Variants in DHRS4L2 observed in about 807,000 individuals in gnomAD.
The protein encoded by DHRS4L2 is dehydrogenase/reductase 4 like 2.
A neutral mutation model predicts 23.9 loss-of-function variants in DHRS4L2; 22 were observed. The ratio of observed to expected loss-of-function variants is 0.92; its 90% CI spans 0.66 to 1.31. The LOEUF is 1.31. Among genes scored for constraint, DHRS4L2 ranks in the 40% most tolerant of loss-of-function variants. DHRS4L2 has a pLI of 0.00. For missense variants in DHRS4L2, 385 were observed against 303.3 expected (o/e 1.27, Z -2.00); for synonymous variants, 141 against 123.7 (o/e 1.14, Z -0.93).
At chr14:23,981,915 G>T (rs1230946737) in intron 1 of DHRS4L2, among the ~76,000 whole-genome samples, 1 of 151,748 alleles carries the variant, frequency 6.6e-6, no homozygotes, top group Non-Finnish European at 1.5e-5. Flanking sequence ...CTGCCACAGG[G>T]TGGTTGTTCT....
exon 1 of DHRS4L2, chr14:23,970,019 G>C (rs2033813630): frequency 2.2e-6 from 1 of 455,812 alleles, no homozygotes; most frequent in Middle Eastern, 4.0e-4. Flanking sequence ...CTGAAGCGGA[G>C]TCTAGCATGT....
At chr14:23,983,005 T>C (rs1328651442) in intron 1 of DHRS4L2, among the ~76,000 whole-genome samples, 2 of 151,326 alleles carry the variant, frequency 1.3e-5, no homozygotes, top group East Asian at 1.9e-4. Context: ...CCAAAAGCAA[T>C]GGCAACGAAG....
rs768929525 is a variant in DHRS4L2, at chr14:23,989,025, C to T, written c.78C>T (p.Arg26=). ...SVRMASSRMT[R]RDPLTNKVAL... ...GGATGGCCAGCTCCAGGATGACCCG[C>T]CGGGACCCGCTCACAAATAAGGTGG... Residue 26 remains arginine, a synonymous_variant, in exon 1 of 8, where the codon CGC becomes CGT. Transcript: ENST00000335125. 7.6e-5 allele frequency: 122 copies of T among 1,605,078 alleles called. No homozygotes were observed. The highest frequency in any genetic ancestry group is 9.3e-5 in the Non-Finnish European group (109 of 1,175,988).
At chr14:23,975,475 G>A (rs1785117243) in intron 1 of DHRS4L2, among the ~76,000 whole-genome samples, 1 of 151,730 alleles carries the variant, frequency 6.6e-6, no homozygotes, top group Non-Finnish European at 1.5e-5. Flanking sequence ...TCGATAGGAA[G>A]ACTCAATATC....
Position 24,004,238 on chromosome 14 carries a change from C to T in DHRS4L2, c.666-99C>T, listed in dbSNP as rs1277253740. 290 of 1,428,502 alleles carry T rather than the reference C, an allele frequency of 2.0e-4. 5 individuals carry two copies. The highest frequency in any genetic ancestry group is 6.1e-4 in the South Asian group (42 of 69,344). 88.5% of individuals were successfully genotyped at this position (1,428,502 alleles called of 1,614,324 possible). ...GAGCCAAGATAGCGCCACTACAGTC[C>T]GGCCTGGGCAAAAGAGCAAGACTCC... On this transcript the variant is annotated intron_variant, in intron 6 of 7. Transcript: ENST00000335125.
At chr14:23,989,244 G>GCCCTGGA (rs1410606317) in intron 1 of DHRS4L2, among the ~76,000 whole-genome samples, 169 bp downstream of exon 1, 2,882 of 151,432 alleles carry the variant, frequency 0.019, 125 homozygotes, top group African/African-American at 0.064. Flanking sequence ...GAATACCCTG[G>GCCCTGGA]CCCTCCCTTG....
chr14:23,970,655 A>C (rs1185491016), intron 1 of DHRS4L2, among the ~76,000 whole-genome samples: 4 of 152,104 alleles, frequency 2.6e-5, no homozygotes, highest in African/African-American at 9.7e-5. Flanking sequence ...GATAACGGAC[A>C]GACTGCCTCC....
Position 23,990,281 on chromosome 14 carries a change from G to A in DHRS4L2, c.228G>A (p.Leu76=). The stretch of plus-strand genomic sequence containing the variant: ...ATGTGGACCAGGCGGTGGCCACGCT[G>A]CAGGGGGAGGGGCTGAGCGTGACGG... ...QQNVDQAVAT[L]QGEGLSVTGT... Residue 76 remains leucine (L), a synonymous_variant, in exon 2 of 8, where the codon CTG becomes CTA. Transcript: ENST00000335125. 1 of 1,612,602 alleles carries A rather than the reference G, an allele frequency of 6.2e-7. No homozygotes were observed. The highest frequency in any genetic ancestry group is 8.5e-7 in the Non-Finnish European group (1 of 1,179,272).
chr14:23,991,525 A>G (rs7158037), intron 2 of DHRS4L2, among the ~76,000 whole-genome samples: 3,411 of 151,846 alleles, frequency 0.022, 115 homozygotes, highest in Middle Eastern at 0.054. Context: ...CTGGCCCAGA[A>G]GTGGTACTTG....
exon 1 of DHRS4L2, chr14:23,970,298 C>T: frequency 4.5e-6 from 2 of 443,852 alleles, no homozygotes; most frequent in Non-Finnish European, 9.0e-6. Context: ...ATCGCTGTCC[C>T]TGGAGCATCC....
At chr14:23,988,920 G>A, upstream of DHRS4L2, 2 of 1,610,208 alleles carry the variant, frequency 1.2e-6, no homozygotes, top group Non-Finnish European at 1.7e-6. Flanking sequence ...GCTGGAAGGA[G>A]TGGAACCCAG....
intron 2 of DHRS4L2, among the ~76,000 whole-genome samples, chr14:23,993,935 A>G (rs1203163025): frequency 2.0e-5 from 3 of 151,582 alleles, no homozygotes; most frequent in African/African-American, 4.8e-5. Context: ...TCCACTACTG[A>G]CTAGCTTTGT....
In DHRS4L2 at chr14:24,000,864, C is replaced by T. The variant is rs369323650; in HGVS notation, c.410C>T (p.Thr137Ile). The change falls in exon 4 of 8, where the codon ACT (threonine) becomes ATT (isoleucine). Residue 137 changes from threonine to isoleucine, a missense_variant and splice_region_variant. Physicochemically the swap from Thr to Ile is moderately conservative, Grantham distance 89. Coordinates refer to ENST00000335125, the MANE Select transcript of DHRS4L2 (RefSeq NM_198083.4). ...TTCCCCTTCTTCTCTTGGCTTCAGACTCTGGACATTAATGTGAAGGCCCCA... is the reference window on the plus strand; with the variant it reads ...TTCCCCTTCTTCTCTTGGCTTCAGATTCTGGACATTAATGTGAAGGCCCCA... ...MDVTEEVWDK[T>I]LDINVKAPAL... The T allele has an allele frequency of 5.6e-6, 9 of 1,609,114 alleles. No individual in the cohort carries two copies. The African/African-American group carries it at 1.2e-4, about 22-fold the overall frequency.
At chr14:23,987,667 C>T (rs890560321), upstream of DHRS4L2, among the ~76,000 whole-genome samples, 6 of 151,698 alleles carry the variant, frequency 4.0e-5, no homozygotes, top group African/African-American at 9.7e-5. Context: ...CACTAACACA[C>T]ACACACACAA....
At position 23,993,074 on chromosome 14, in the gene DHRS4L2, G is replaced by A. The variant is rs527537106; in HGVS notation, c.307-1958G>A. ...AGACCTGGAAGGAGAGGAGTATGGG[G>A]TATACAGCAGAGTAGAAAATGTCTC... On this transcript the variant is annotated intron_variant, in intron 2 of 7. Transcript: ENST00000335125. 2.8e-3 allele frequency among the ~76,000 whole-genome samples: 424 copies of A among 149,138 alleles called. 17 individuals are homozygous for A. Among genetic ancestry groups the A allele is most frequent in the East Asian group, 3.9e-3 (20 of 5,122 alleles).
At chr14:23,990,487 C>G in intron 2 of DHRS4L2, 128 bp downstream of exon 2, 2 of 1,366,208 alleles carry the variant, frequency 1.5e-6, no homozygotes, top group East Asian at 2.6e-5. Context: ...CATATACTAA[C>G]GTCAGAGAAT....
chr14:23,981,969 AG>A (rs2034060425), intron 1 of DHRS4L2, among the ~76,000 whole-genome samples: 1 of 151,682 alleles, frequency 6.6e-6, no homozygotes, highest in Non-Finnish European at 1.5e-5. Context: ...TTTTATACCA[AG>A]ACACTCAGTT....
chr14:23,978,919 A>T lies in DHRS4L2; in HGVS notation c.-176+8587A>T, dbSNP rs560491022. Reference sequence around the variant, plus strand: ...GGCAAAATAACCAGCTAGCATCATAATGACAGGATCAAATTCACACATAAC... The same window carrying T: ...GGCAAAATAACCAGCTAGCATCATATTGACAGGATCAAATTCACACATAAC... On this transcript the variant is annotated intron_variant, in intron 1 of 5. Coordinates refer to the DHRS4L2 transcript ENST00000534993. Among the ~76,000 whole-genome samples the T allele has an allele frequency of 2.2e-3, 323 of 144,728 alleles. 15 individuals are homozygous for T. The highest frequency in any genetic ancestry group is 3.7e-3 in the Non-Finnish European group (242 of 66,298). 94.9% of individuals were successfully genotyped at this position (144,728 alleles called of 152,430 possible).
At chr14:23,986,981 T>C (rs918227823), upstream of DHRS4L2, among the ~76,000 whole-genome samples, 1 of 151,602 alleles carries the variant, frequency 6.6e-6, no homozygotes, top group African/African-American at 2.4e-5. Flanking sequence ...AAAATTATAC[T>C]GCAGCTCTCC....
Sources: gnomAD v4.1 joint callset for allele counts (sites outside exome capture counted in the v4.1 genomes callset) on GRCh38, gnomAD v4.1.1 for gene constraint, MANE v1.5 for transcripts, NCBI Gene and HGNC (gene_info 2026-07-23, HGNC 2026-07-21) for gene names.